ZNF536: variants seen among roughly 807,000 people sequenced by gnomAD.
ZNF536 encodes the protein zinc finger protein 536.
Under a neutral mutation model 84.5 loss-of-function variants are expected in ZNF536, and 13 were observed. The ratio of observed to expected loss-of-function variants is 0.15; its 90% CI spans 0.10 to 0.24. The LOEUF (loss-of-function observed/expected upper bound fraction) is 0.24, where lower values mean the gene tolerates loss of function less well. Ranked by LOEUF, ZNF536 falls within the 10% of genes least tolerant of loss-of-function variation. The pLI is 1.00. For missense variants in ZNF536, 1,536 were observed against 1,747.5 expected (o/e 0.88, Z 2.16); for synonymous variants, 811 against 742.5 (o/e 1.09, Z -1.50).
chr19:30,292,730 A>G lies in ZNF536; in HGVS notation c.-120+8589A>G, dbSNP rs373931626. Among the ~76,000 whole-genome samples, 303 of 152,308 alleles carry G rather than the reference A, an allele frequency of 2.0e-3. 1 individual carries two copies. The highest frequency in any genetic ancestry group is 6.9e-3 in the African/African-American group (285 of 41,566). ...ATGTTGTCTTTGGGAGAGGAAGCCA[A>G]TTGAGGGAGAGAATGAAGATGGAAG... is the stretch of plus-strand genomic sequence containing the variant. On this transcript the variant is annotated intron_variant, in intron 2 of 5. Coordinates refer to the ZNF536 transcript ENST00000585628.
intron 1 of ZNF536, among the ~76,000 whole-genome samples, chr19:30,564,058 GGGGGTGAAT>G (rs1446442103): frequency 1.4e-4 from 22 of 152,300 alleles, no homozygotes; most frequent in Non-Finnish European, 2.8e-4. Context: ...GAAAACAAGA[GGGGGTGAAT>G]GGCTGAAAGG....
intron 2 of ZNF536, among the ~76,000 whole-genome samples, chr19:30,526,410 C>T (rs563183339): frequency 6.6e-6 from 1 of 152,328 alleles, no homozygotes; most frequent in Non-Finnish European, 1.5e-5. Flanking sequence ...GGGAGTTTCA[C>T]AGACTCCACC....
intron 1 of ZNF536, chr19:30,665,485 C>T (rs796935935): frequency 1.4e-4 from 21 of 152,372 alleles, no homozygotes; most frequent in African/African-American, 4.6e-4. Flanking sequence ...CTTAGCTCAG[C>T]TCAGTTGAGA....
At chr19:30,333,727 G>A (rs909814980) in intron 2 of ZNF536, among the ~76,000 whole-genome samples, 1 of 152,104 alleles carries the variant, frequency 6.6e-6, no homozygotes, top group African/African-American at 2.4e-5. Flanking sequence ...AGGAACACCC[G>A]TGCACCAGCC....
downstream of ZNF536, among the ~76,000 whole-genome samples, chr19:30,561,620 T>A (rs2046169857): frequency 1.3e-5 from 2 of 152,176 alleles, no homozygotes; most frequent in Admixed American, 6.5e-5. Flanking sequence ...GGGTCAGTAC[T>A]GCAGGACCAT....
chr19:30,443,373 G>A (rs1421269514), intron 1 of ZNF536, among the ~76,000 whole-genome samples, 188 bp from the exon 2 acceptor site: 1 of 152,212 alleles, frequency 6.6e-6, no homozygotes, highest in East Asian at 1.9e-4. Context: ...ACAAATTGGA[G>A]GAGCAATGCC....
chr19:30,541,467 A>G (rs887954292), intron 3 of ZNF536, among the ~76,000 whole-genome samples: 20 of 150,822 alleles, frequency 1.3e-4, no homozygotes, highest in African/African-American at 4.6e-4. Context: ...AAATTCCATC[A>G]TTTTTCTATA....
intron 3 of ZNF536, among the ~76,000 whole-genome samples, chr19:30,541,498 C>T (rs781163957): frequency 8.6e-5 from 13 of 151,938 alleles, no homozygotes; most frequent in South Asian, 8.3e-4. Flanking sequence ...ACTAAAAGCC[C>T]GGTTTATTCC....
chr19:30,549,096 T>C lies in ZNF536; in HGVS notation c.3477T>C (p.Asp1159=). 6.2e-7 allele frequency: 1 copy of C among 1,614,178 alleles called. No homozygotes were observed. The highest frequency in any genetic ancestry group is 8.5e-7 in the Non-Finnish European group (1 of 1,180,042). ...AAACCACGAGTAAGAACACTACTGA[T>C]GACCTCTCTGACATTGCCTCCTCAG... ...IPETTSKNTT[D]DLSDIASSED... is the part of the protein sequence containing the mutation. The change falls in exon 4 of 5, where the codon GAT becomes GAC. Residue 1159 remains aspartate, a synonymous_variant. Transcript: ENST00000355537.
chr19:30,261,723 A>G (rs897991058), intron 1 of ZNF536, among the ~76,000 whole-genome samples: 2 of 151,098 alleles, frequency 1.3e-5, no homozygotes, highest in Non-Finnish European at 3.0e-5. Flanking sequence ...AAAAAGAAAA[A>G]GAAAAGTGAG....
intron 3 of ZNF536, among the ~76,000 whole-genome samples, chr19:30,542,688 G>T (rs1358517252): frequency 6.6e-6 from 1 of 152,210 alleles, no homozygotes; most frequent in Non-Finnish European, 1.5e-5. Context: ...ATTTCACAAT[G>T]ACTGCCTGCT....
At chr19:30,447,414 CT>C (rs1406274061) in intron 2 of ZNF536, among the ~76,000 whole-genome samples, 4 of 152,214 alleles carry the variant, frequency 2.6e-5, no homozygotes, top group Admixed American at 1.3e-4. Flanking sequence ...TAAATCTGGT[CT>C]GCACATTCCA....
In ZNF536 at chr19:30,378,699, C is replaced by T. The variant is rs571902241; in HGVS notation, c.-3+6143C>T. On this transcript the variant is annotated intron_variant, in intron 1 of 4. Transcript: ENST00000355537. ...CTTTCCATCTCCTGCATTGCTCCAG[C>T]CGAGGTCCCTTTTGCTCTAAAGGAG... Among the ~76,000 whole-genome samples, 3 of 152,330 alleles carry T rather than the reference C, an allele frequency of 2.0e-5. No homozygotes were observed. The East Asian group carries it at 5.8e-4, about 29-fold the overall frequency.
intron 2 of ZNF536, among the ~76,000 whole-genome samples, chr19:30,457,041 C>CAAAAA (rs11405582): frequency 8.5e-6 from 1 of 117,866 alleles, no homozygotes; most frequent in Non-Finnish European, 1.7e-5. Context: ...GACTTCATCT[C>CAAAAA]AAAAAAAAAA....
At chr19:30,300,748 G>A (rs538388937) in intron 2 of ZNF536, 2 of 152,346 alleles carry the variant, frequency 1.3e-5, no homozygotes, top group Admixed American at 6.5e-5. Flanking sequence ...AAGAGGCCTG[G>A]AGTAATTTGC....
At chr19:30,282,521 T>A (rs920957977) in intron 1 of ZNF536, among the ~76,000 whole-genome samples, 1 of 152,208 alleles carries the variant, frequency 6.6e-6, no homozygotes, top group Admixed American at 6.5e-5. Context: ...TTACAGGGCC[T>A]CTAAGTGAAT....
At chr19:30,252,508 C>T (rs1441811763) in intron 1 of ZNF536, among the ~76,000 whole-genome samples, 5 of 152,162 alleles carry the variant, frequency 3.3e-5, no homozygotes, top group Non-Finnish European at 7.4e-5. Context: ...AACAGCATTC[C>T]TGTGATGCGA....
intron 2 of ZNF536, among the ~76,000 whole-genome samples, chr19:30,529,279 G>T (rs2145849071): frequency 6.6e-6 from 1 of 152,230 alleles, no homozygotes; most frequent in South Asian, 2.1e-4. Flanking sequence ...GTGTGTTGAG[G>T]CACCCATCCA....
intron 1 of ZNF536, among the ~76,000 whole-genome samples, chr19:30,389,445 A>G (rs191951595): frequency 6.4e-4 from 98 of 152,270 alleles, no homozygotes; most frequent in African/African-American, 2.2e-3. Context: ...TGCTCAAGAT[A>G]CATGCTCCTC....
Sources: allele counts gnomAD v4.1 joint callset (sites outside exome capture counted in the v4.1 genomes callset), GRCh38; gene constraint gnomAD v4.1.1; transcripts MANE v1.5; gene names NCBI Gene and HGNC (gene_info 2026-07-23, HGNC 2026-07-21).